Variants in TBX15 observed in about 807,000 individuals in gnomAD.
The protein encoded by TBX15 is T-box transcription factor 15.
A neutral mutation model predicts 53.9 loss-of-function variants in TBX15; 18 were observed. The ratio of observed to expected loss-of-function variants is 0.33; its 90% CI spans 0.23 to 0.49. The LOEUF is 0.49. Ranked by LOEUF, TBX15 falls within the 20% of genes least tolerant of loss-of-function variation. TBX15 has a pLI of 0.98. For synonymous variants in TBX15, 295 were observed against 278.0 expected (o/e 1.06, Z -0.61); for missense variants, 692 against 749.5 (o/e 0.92, Z 0.90).
In TBX15 at chr1:118,885,189, G is replaced by A; in HGVS notation, c.1352C>T (p.Pro451Leu). The change falls in exon 8 of 8, where the codon CCA becomes CTA. Residue 451 changes from proline to leucine, a missense_variant. Physicochemically the swap from Pro to Leu is moderately conservative, Grantham distance 98. Coordinates refer to ENST00000369429, the MANE Select transcript of TBX15 (RefSeq NM_001330677.2). ...GTTGCCAGGCAACGAGGGAGGAGTT[G>A]GTATTCCTGAGATCAGGGATGGAGT... The part of the protein sequence containing the change: ...QRTPSLISGI[P>L]TPPSLPGNSK... The A allele has an allele frequency of 6.2e-7, 1 of 1,614,158 alleles. No homozygotes were observed. The highest frequency in any genetic ancestry group is 8.5e-7 in the Non-Finnish European group (1 of 1,180,028).
At chr1:118,983,387 T>C (rs947229330) in intron 1 of TBX15, among the ~76,000 whole-genome samples, 2 of 152,202 alleles carry the variant, frequency 1.3e-5, no homozygotes, top group Non-Finnish European at 2.9e-5. Context: ...GCCGGAGTTT[T>C]ACATAGAATG....
At chr1:118,915,835 G>A (rs1182617142) in intron 5 of TBX15, among the ~76,000 whole-genome samples, 1 of 152,136 alleles carries the variant, frequency 6.6e-6, no homozygotes, top group Non-Finnish European at 1.5e-5. Context: ...GGTCTCCACA[G>A]ACCCCTGTAA....
chr1:118,899,248 T>A (rs1433677527), intron 6 of TBX15, 123 bp from the exon 7 acceptor site: 1 of 889,044 alleles, frequency 1.1e-6, no homozygotes, highest in African/African-American at 1.7e-5. Context: ...GCTACCACCA[T>A]CAAGGTAAAT....
intron 2 of TBX15, among the ~76,000 whole-genome samples, chr1:118,930,711 C>T (rs532249245): frequency 2.4e-4 from 36 of 152,350 alleles, no homozygotes; most frequent in Non-Finnish European, 3.1e-4. Context: ...CCACCGTGCC[C>T]GGCCCAAATT....
rs566208553 is a variant in TBX15, at chr1:118,889,365, C to A, written c.1025-3849G>T. 2.2e-3 allele frequency among the ~76,000 whole-genome samples: 331 copies of A among 152,244 alleles called. 1 individual carries two copies. The highest frequency in any genetic ancestry group is 6.8e-3 in the Middle Eastern group (2 of 294). On this transcript the variant is annotated intron_variant, in intron 7 of 7. Transcript: ENST00000369429. ...GTGCAAAATGAGCACAAAGAGGGAG[C>A]CCATCCTCTTTGATCATTTACAACA...
rs1178083111 is a variant in TBX15 at position 118,903,562 on chromosome 1, C to T, written c.927-4437G>A. 3.3e-5 allele frequency among the ~76,000 whole-genome samples: 5 copies of T among 151,766 alleles called. No homozygotes were observed. The East Asian group carries it at 7.8e-4, about 24-fold the overall frequency. ...TTAGTTCTGACTTCCTTAATTTTTA[C>T]TCTTCCCCATACTATTTGCTGGTGA... is the stretch of plus-strand genomic sequence containing the variant. On this transcript the variant is annotated intron_variant, in intron 6 of 7. Coordinates refer to ENST00000369429, the MANE Select transcript of TBX15 (RefSeq NM_001330677.2).
Position 118,937,096 on chromosome 1 carries a change from G to A in TBX15, c.206-5264C>T, listed in dbSNP as rs147519681. On this transcript the variant is annotated intron_variant, in intron 1 of 7. Coordinates refer to ENST00000369429, the MANE Select transcript of TBX15 (RefSeq NM_001330677.2). ...GAGAGGATTGAGAAGACTTTATGAG[G>A]TAACATTTGAATATGGTCTTGAAAT... Among the ~76,000 whole-genome samples, 13 of 152,184 alleles carry A rather than the reference G, an allele frequency of 8.5e-5. No homozygotes were observed. The East Asian group carries it at 2.3e-3, about 27-fold the overall frequency.
chr1:118,926,390 G>A (rs1423696877), intron 3 of TBX15, 120 bp downstream of exon 3: 7 of 907,120 alleles, frequency 7.7e-6, no homozygotes, highest in Non-Finnish European at 1.2e-5. Context: ...CATTGACATA[G>A]TCTCCATTCC....
intron 1 of TBX15, among the ~76,000 whole-genome samples, chr1:118,942,577 C>T (rs1053319473): frequency 2.0e-5 from 3 of 152,150 alleles, no homozygotes; most frequent in African/African-American, 7.2e-5. Flanking sequence ...CTAGGGTCAC[C>T]TCCTGACATC....
Position 118,884,868 on chromosome 1 carries a change from A to C in TBX15, c.1673T>G (p.Leu558Arg). 6 of 1,614,222 alleles carry C rather than the reference A, an allele frequency of 3.7e-6. No homozygotes were observed. Among genetic ancestry groups the C allele is most frequent in the Non-Finnish European group, 5.1e-6 (6 of 1,180,036 alleles). Reference sequence around the variant, plus strand: ...CATGCTGTGCTCCATCCCTGACGGCAGGTACTGCCTCTCTCCAAAGGCCCC... The same window carrying C: ...CATGCTGTGCTCCATCCCTGACGGCCGGTACTGCCTCTCTCCAAAGGCCCC... ...SNGAFGERQY[L>R]PSGMEHSMHM... Residue 558 changes from leucine to arginine, a missense_variant, in exon 8 of 8, where the codon CTG (leucine) becomes CGG (arginine). By Grantham distance (102) the Leu-to-Arg change is moderately radical (BLOSUM62 -2). Transcript: ENST00000369429.
intron 7 of TBX15, among the ~76,000 whole-genome samples, chr1:118,890,592 G>T (rs1293740773): frequency 6.6e-6 from 1 of 152,142 alleles, no homozygotes; most frequent in Non-Finnish European, 1.5e-5. Context: ...AAAAGGATAC[G>T]TTTAGCAGTA....
At chr1:118,905,666 G>C (rs1335055985) in intron 6 of TBX15, among the ~76,000 whole-genome samples, 2 of 152,210 alleles carry the variant, frequency 1.3e-5, no homozygotes, top group Non-Finnish European at 2.9e-5. Flanking sequence ...ACCCATGCCA[G>C]GGATAACAAA....
At chr1:118,901,943 A>T (rs1431556701) in intron 6 of TBX15, among the ~76,000 whole-genome samples, 1 of 152,136 alleles carries the variant, frequency 6.6e-6, no homozygotes, top group Non-Finnish European at 1.5e-5. Context: ...AGCAAGGATC[A>T]GTTTGGTAGT....
chr1:118,962,189 G>T (rs544213443), intron 1 of TBX15, among the ~76,000 whole-genome samples: 12 of 152,196 alleles, frequency 7.9e-5, no homozygotes, highest in Non-Finnish European at 1.2e-4. Flanking sequence ...ACTGTGTAAG[G>T]GTCCATTACT....
At chr1:118,916,891 A>G (rs1264924919) in intron 5 of TBX15, among the ~76,000 whole-genome samples, 2 of 151,988 alleles carry the variant, frequency 1.3e-5, no homozygotes, top group African/African-American at 2.4e-5. Context: ...AATAAAAAAT[A>G]AAAATAAATA....
intron 1 of TBX15, among the ~76,000 whole-genome samples, chr1:118,979,020 C>T (rs919255555): frequency 1.3e-5 from 2 of 152,056 alleles, no homozygotes; most frequent in Non-Finnish European, 2.9e-5. Context: ...GGCACCTAGC[C>T]CCTAGGTTTA....
chr1:118,939,085 A>G (rs757124702), intron 1 of TBX15, among the ~76,000 whole-genome samples: 3 of 152,132 alleles, frequency 2.0e-5, no homozygotes, highest in Non-Finnish European at 4.4e-5. Context: ...ACATGGATGC[A>G]GCTGGAGGCC....
At chr1:118,958,449 G>C (rs1358802569) in intron 1 of TBX15, among the ~76,000 whole-genome samples, 1 of 152,102 alleles carries the variant, frequency 6.6e-6, no homozygotes, top group African/African-American at 2.4e-5. Context: ...CAGTATTCGT[G>C]ATTTTTTCTT....
chr1:118,943,128 C>T (rs1439108023), intron 1 of TBX15, among the ~76,000 whole-genome samples: 3 of 152,242 alleles, frequency 2.0e-5, no homozygotes, highest in South Asian at 2.1e-4. Flanking sequence ...AAGCCCCTGG[C>T]GCACAATAGG....
Sources: allele counts gnomAD v4.1 joint callset (sites outside exome capture counted in the v4.1 genomes callset), GRCh38; gene constraint gnomAD v4.1.1; transcripts MANE v1.5; gene names NCBI Gene and HGNC (gene_info 2026-07-23, HGNC 2026-07-21).